The following DLG1 variants were observed in gnomAD, a reference collection of about 807,000 sequenced individuals.
DLG1 encodes disks large homolog 1.
DLG1 carries 42 observed loss-of-function variants against 123.4 expected under a neutral mutation model. The ratio of observed to expected loss-of-function variants is 0.34; its 90% CI spans 0.27 to 0.44. The LOEUF is 0.44. DLG1 is among the 20% of genes least tolerant of loss of function. The probability of loss-of-function intolerance (pLI) is 1.00; values close to 1 mark genes in which losing one functional copy is unlikely to be tolerated. For synonymous variants in DLG1, 317 were observed against 356.2 expected, an observed-to-expected ratio of 0.89 and a Z score of 1.24; for missense variants, 942 against 1,082.6, an observed-to-expected ratio of 0.87 and a Z score of 1.82.
intron 11 of DLG1, among the ~76,000 whole-genome samples, chr3:197,128,149 A>T (rs551680021): frequency 6.6e-6 from 1 of 152,352 alleles, no homozygotes; most frequent in Non-Finnish European, 1.5e-5. Flanking sequence ...TTAGCATTTT[A>T]CCCACAGTAG....
At chr3:197,276,019 TAA>T (rs1452305091) in intron 4 of DLG1, among the ~76,000 whole-genome samples, 1 of 152,202 alleles carries the variant, frequency 6.6e-6, no homozygotes, top group East Asian at 1.9e-4. Context: ...TTATCAATTT[TAA>T]AAGAGTACTA....
Position 197,119,299 on chromosome 3 carries a change from A to T in DLG1, c.1286+111T>A, listed in dbSNP as rs1046082092. On this transcript the variant is annotated intron_variant, in intron 12 of 24. Coordinates refer to ENST00000667157, the MANE Select transcript of DLG1 (RefSeq NM_001366207.1). ...AAAAAATTAACCTTTAAGCTCACTA[A>T]CTGTCAATAAAATTTTTTAGTCCTA... The T allele has an allele frequency of 4.7e-6, 4 of 858,098 alleles. No individual in the cohort carries two copies. In the African/African-American group the frequency reaches 6.9e-5, roughly 15 times the overall value. The allele number at this position is 858,098 out of a possible 1,614,324, so 53.2% of individuals were successfully genotyped here. A position where few individuals can be genotyped will look rare whatever the true frequency, so the allele number is the denominator to read the frequency against.
Position 197,286,065 on chromosome 3 carries a change from G to T in DLG1, c.152-3220C>A, listed in dbSNP as rs1054194319. 2.0e-5 allele frequency among the ~76,000 whole-genome samples: 3 copies of T among 152,330 alleles called. No homozygotes were observed. The East Asian group carries it at 5.8e-4, about 29-fold the overall frequency. On this transcript the variant is annotated intron_variant, in intron 3 of 24. Coordinates refer to ENST00000667157, the MANE Select transcript of DLG1 (RefSeq NM_001366207.1). ...TAAAAAGATACGAGCTATTAGGTAT[G>T]AAAAGGCATGGAGGAACCGTAAATA...
chr3:197,239,832 C>A, intron 4 of DLG1, among the ~76,000 whole-genome samples: 1 of 80,150 alleles, frequency 1.2e-5, no homozygotes, highest in East Asian at 3.0e-4. Flanking sequence ...GTTCAGGGGC[C>A]ACAGAAAAGT....
At chr3:197,282,626 C>A in intron 4 of DLG1, 53 bp downstream of exon 4, 1 of 1,188,788 alleles carries the variant, frequency 8.4e-7, no homozygotes, top group South Asian at 2.4e-5. Context: ...AACATAGTAA[C>A]ATAAATAAAT....
intron 4 of DLG1, among the ~76,000 whole-genome samples, chr3:197,200,895 G>A (rs1177153604): frequency 6.6e-6 from 1 of 152,096 alleles, no homozygotes; most frequent in East Asian, 1.9e-4. Context: ...ATGGGGAAAA[G>A]TTAAAAGCAT....
intron 3 of DLG1, among the ~76,000 whole-genome samples, chr3:197,294,864 A>G (rs909218590): frequency 6.6e-6 from 1 of 152,164 alleles, no homozygotes; most frequent in African/African-American, 2.4e-5. Flanking sequence ...CAGCCATCAC[A>G]CAAAGAAAAG....
chr3:197,088,016 G>A (rs940324393), intron 15 of DLG1, among the ~76,000 whole-genome samples: 3 of 152,086 alleles, frequency 2.0e-5, no homozygotes, highest in Admixed American at 6.5e-5. Context: ...TAGCAACTTG[G>A]TTTATACTAT....
chr3:197,133,153 T>G (rs1385526524), intron 10 of DLG1, among the ~76,000 whole-genome samples: 6 of 152,228 alleles, frequency 3.9e-5, no homozygotes, highest in Non-Finnish European at 5.9e-5. Flanking sequence ...TCCACGTAAC[T>G]AGCTTTAGCC....
chr3:197,297,595 A>T lies in DLG1; in HGVS notation c.-31-360T>A, dbSNP rs533208065. ...CGCTCCGACCCTTGGCCCCTGAGCC[A>T]GCAGCGGCCGCAGAGCGCTGAGAGG... On this transcript the variant is annotated intron_variant, in intron 1 of 24. Transcript: ENST00000667157. The T allele has an allele frequency of 9.8e-6, 10 of 1,020,504 alleles. 1 individual carries two copies. The Admixed American group carries it at 5.4e-4, about 55-fold the overall frequency. The allele number at this position is 1,020,504 out of a possible 1,614,324, so 63.2% of individuals were successfully genotyped here.
At chr3:197,196,808 T>C (rs939689384) in intron 4 of DLG1, among the ~76,000 whole-genome samples, 2 of 152,218 alleles carry the variant, frequency 1.3e-5, no homozygotes, top group Non-Finnish European at 2.9e-5. Context: ...GATATTTATA[T>C]ACACATGACA....
intron 16 of DLG1, among the ~76,000 whole-genome samples, chr3:197,081,751 T>A (rs1290256137): frequency 6.6e-6 from 1 of 152,180 alleles, no homozygotes; most frequent in Admixed American, 6.5e-5. Context: ...TCTTTACCCC[T>A]ATGGAGGTGA....
chr3:197,085,002 G>A (rs13076920), intron 16 of DLG1, among the ~76,000 whole-genome samples: 67,671 of 150,984 alleles, frequency 0.45, 15,748 homozygotes, highest in East Asian at 0.75. Context: ...GGCCAGGCTC[G>A]TCTTGAACTC....
chr3:197,298,617 C>T (rs886231861), upstream of DLG1: 2 of 398,550 alleles, frequency 5.0e-6, no homozygotes, highest in Non-Finnish European at 8.8e-6. Flanking sequence ...GGGGGTAGAT[C>T]CCCACCGGGG....
At chr3:197,210,725 G>C (rs1052196647) in intron 4 of DLG1, among the ~76,000 whole-genome samples, 3 of 142,038 alleles carry the variant, frequency 2.1e-5, no homozygotes, top group African/African-American at 7.4e-5. Context: ...AAAACTCCAG[G>C]CCCAAATACA....
intron 10 of DLG1, among the ~76,000 whole-genome samples, chr3:197,133,252 C>T (rs966366342): frequency 6.6e-6 from 1 of 152,144 alleles, no homozygotes; most frequent in Non-Finnish European, 1.5e-5. Context: ...ACTTTTGGAA[C>T]CTAGCCACCA....
chr3:197,273,849 C>CAAAA (rs58880007), intron 4 of DLG1, among the ~76,000 whole-genome samples: 8,431 of 48,596 alleles, frequency 0.17, 941 homozygotes, highest in Middle Eastern at 0.22. Flanking sequence ...TAATAGCTAC[C>CAAAA]AAAAAAAAAA....
At chr3:197,110,374 T>C (rs184636666) in intron 13 of DLG1, among the ~76,000 whole-genome samples, 1 of 152,342 alleles carries the variant, frequency 6.6e-6, no homozygotes, top group East Asian at 1.9e-4. Flanking sequence ...TTTATTGATA[T>C]TTTTTACATG....
chr3:197,175,072 T>C (rs1806282837), intron 5 of DLG1, among the ~76,000 whole-genome samples: 1 of 152,228 alleles, frequency 6.6e-6, no homozygotes, highest in East Asian at 1.9e-4. Context: ...TTTAAATAAA[T>C]GCCTGGAGGG....
Sources: gnomAD v4.1 joint callset for allele counts (sites outside exome capture counted in the v4.1 genomes callset) on GRCh38, gnomAD v4.1.1 for gene constraint, MANE v1.5 for transcripts, NCBI Gene and HGNC (gene_info 2026-07-23, HGNC 2026-07-21) for gene names.